RABGAP1L: variants seen among roughly 807,000 people sequenced by gnomAD.
RABGAP1L encodes RAB GTPase activating protein 1 like.
Under a neutral mutation model 137.7 loss-of-function variants are expected in RABGAP1L, and 63 were observed. The observed-to-expected ratio is 0.46, with a 90% CI of 0.37 to 0.56. RABGAP1L has a LOEUF of 0.56. RABGAP1L is among the 20% of genes least tolerant of loss of function. The pLI, the probability that RABGAP1L is intolerant of heterozygous loss-of-function variation, is 0.00. For synonymous variants in RABGAP1L, 431 were observed against 433.7 expected (o/e 0.99, Z 0.08); for missense variants, 1,095 against 1,244.0 (o/e 0.88, Z 1.80).
At chr1:174,664,730 C>T (rs1381997279) in intron 14 of RABGAP1L, among the ~76,000 whole-genome samples, 33 of 98,868 alleles carry the variant, frequency 3.3e-4, no homozygotes, top group Admixed American at 1.2e-3. Context: ...TTTCTTTCTG[C>T]TTTCTTTTTT....
At chr1:174,971,080 G>T (rs1014929550) in intron 21 of RABGAP1L, among the ~76,000 whole-genome samples, 13 of 151,920 alleles carry the variant, frequency 8.6e-5, no homozygotes, top group African/African-American at 2.9e-4. Context: ...AAATGTTACT[G>T]CTAGGTATCT....
intron 19 of RABGAP1L, among the ~76,000 whole-genome samples, chr1:174,893,948 G>A (rs1407911383): frequency 6.6e-6 from 1 of 152,116 alleles, no homozygotes; most frequent in Non-Finnish European, 1.5e-5. Flanking sequence ...AGTGCATTAA[G>A]GTACCTTCAA....
chr1:174,222,499 A>G (rs1363459222), intron 3 of RABGAP1L, among the ~76,000 whole-genome samples: 1 of 152,276 alleles, frequency 6.6e-6, no homozygotes, highest in Non-Finnish European at 1.5e-5. Flanking sequence ...GAAGAGTGAA[A>G]AAGTATCAGT....
At chr1:174,712,427 A>G (rs1170601678) in intron 17 of RABGAP1L, among the ~76,000 whole-genome samples, 1 of 152,092 alleles carries the variant, frequency 6.6e-6, no homozygotes, top group African/African-American at 2.4e-5. Flanking sequence ...GCCACCTTTA[A>G]GAACTGTAAC....
chr1:174,664,869 C>T (rs1676667408), intron 14 of RABGAP1L, among the ~76,000 whole-genome samples: 1 of 151,396 alleles, frequency 6.6e-6, no homozygotes, highest in African/African-American at 2.4e-5. Flanking sequence ...TCCCAAGTAG[C>T]TGGGATTACA....
chr1:174,795,395 A>G (rs1688172217), intron 18 of RABGAP1L, among the ~76,000 whole-genome samples: 1 of 152,154 alleles, frequency 6.6e-6, no homozygotes, highest in Admixed American at 6.5e-5. Flanking sequence ...GGCACCAAGA[A>G]AGAGTCTATA....
At chr1:174,170,971 G>T (rs995639305) in intron 1 of RABGAP1L, among the ~76,000 whole-genome samples, 2 of 152,178 alleles carry the variant, frequency 1.3e-5, no homozygotes, top group Non-Finnish European at 2.9e-5. Flanking sequence ...AAAATAAGTT[G>T]AACAGATGAA....
intron 11 of RABGAP1L, among the ~76,000 whole-genome samples, chr1:174,361,643 C>G (rs1684152697): frequency 6.6e-6 from 1 of 152,050 alleles, no homozygotes; most frequent in South Asian, 2.1e-4. Context: ...TATCCTGAAA[C>G]TTTATTGAAT....
chr1:174,412,685 G>A (rs918737835), intron 13 of RABGAP1L, among the ~76,000 whole-genome samples: 3 of 151,940 alleles, frequency 2.0e-5, no homozygotes, highest in Admixed American at 6.6e-5. Context: ...GCACTTGCTC[G>A]TCTGAAAAAG....
intron 19 of RABGAP1L, among the ~76,000 whole-genome samples, chr1:174,884,082 A>G (rs963228798): frequency 3.9e-5 from 6 of 152,204 alleles, no homozygotes; most frequent in African/African-American, 1.4e-4. Context: ...AAGAGAATTG[A>G]TTGTCCAGTG....
At chr1:174,400,568 T>C (rs1484617399) in intron 13 of RABGAP1L, among the ~76,000 whole-genome samples, 1 of 152,208 alleles carries the variant, frequency 6.6e-6, no homozygotes, top group Non-Finnish European at 1.5e-5. Flanking sequence ...TAGCCTTATA[T>C]TGTGTTAGGT....
chr1:174,924,725 T>C (rs967827159), intron 19 of RABGAP1L, among the ~76,000 whole-genome samples: 4 of 152,198 alleles, frequency 2.6e-5, no homozygotes, highest in Admixed American at 2.0e-4. Flanking sequence ...TGGCAACTTA[T>C]GATGACCTTC....
At chr1:174,422,700 C>A (rs754986072) in intron 13 of RABGAP1L, among the ~76,000 whole-genome samples, 1 of 151,950 alleles carries the variant, frequency 6.6e-6, no homozygotes, top group African/African-American at 2.4e-5. Flanking sequence ...GTAATCCCAG[C>A]ACTTTGGGAG....
At chr1:174,821,862 A>G (rs536119681) in intron 19 of RABGAP1L, among the ~76,000 whole-genome samples, 1 of 152,364 alleles carries the variant, frequency 6.6e-6, no homozygotes, top group South Asian at 2.1e-4. Flanking sequence ...CTTTTCTATA[A>G]AGACCTCTAT....
intron 11 of RABGAP1L, among the ~76,000 whole-genome samples, chr1:174,321,031 C>G (rs1679920052): frequency 6.6e-6 from 1 of 152,092 alleles, no homozygotes; most frequent in African/African-American, 2.4e-5. Flanking sequence ...AGGAACAGCC[C>G]TGTGAAAGAG....
chr1:174,683,430 G>A (rs555310146), intron 14 of RABGAP1L, 92 bp from the exon 15 acceptor site: 13 of 993,122 alleles, frequency 1.3e-5, no homozygotes, highest in Non-Finnish European at 1.8e-5. Context: ...ACAGCCCAGG[G>A]ACAGGAACAA....
At chr1:174,571,977 T>C (rs889619251) in intron 13 of RABGAP1L, among the ~76,000 whole-genome samples, 2 of 152,200 alleles carry the variant, frequency 1.3e-5, no homozygotes, top group African/African-American at 4.8e-5. Context: ...AAATAAAATA[T>C]AAGAAATTTT....
At chr1:174,677,809 C>T (rs540742144) in intron 14 of RABGAP1L, among the ~76,000 whole-genome samples, 1 of 151,532 alleles carries the variant, frequency 6.6e-6, no homozygotes, top group African/African-American at 2.4e-5. Context: ...GCTTTAAATG[C>T]CTATATTAGA....
At chr1:174,834,611 C>T (rs1252720115) in intron 19 of RABGAP1L, among the ~76,000 whole-genome samples, 4 of 148,322 alleles carry the variant, frequency 2.7e-5, no homozygotes, top group South Asian at 4.4e-4. Flanking sequence ...CCGCCCCCCC[C>T]GCCGCCCCCC....
Sources: allele counts gnomAD v4.1 joint callset (sites outside exome capture counted in the v4.1 genomes callset), GRCh38; gene constraint gnomAD v4.1.1; transcripts MANE v1.5; gene names NCBI Gene and HGNC (gene_info 2026-07-23, HGNC 2026-07-21).